Variants in PUDP observed in about 807,000 individuals in gnomAD.
PUDP encodes the protein pseudouridine-5'-phosphatase.
In PUDP, 8 loss-of-function variants were observed where a neutral mutation model predicts 9.4. The ratio of observed to expected loss-of-function variants is 0.85; its 90% CI spans 0.50 to 1.53. The LOEUF is 1.53. PUDP is among the 40% of genes most tolerant of loss of function. The pLI is 0.00. For synonymous variants in PUDP, 99 were observed against 80.7 expected (o/e 1.23, Z -1.22); for missense variants, 188 against 189.7 (o/e 0.99, Z 0.05).
intron 1 of PUDP, among the ~76,000 whole-genome samples, chrX:6,982,590 T>A (rs1259738189): frequency 8.9e-6 from 1 of 111,942 alleles, no homozygotes; most frequent in Non-Finnish European, 1.9e-5. Flanking sequence ...GGTTCTGCCA[T>A]AGTGATGTTA....
Position 6,888,273 on chromosome X carries a change from A to G in PUDP, c.*247+88860T>C, listed in dbSNP as rs9698613. 6.4e-3 allele frequency among the ~76,000 whole-genome samples: 708 copies of G among 110,824 alleles called. 7 individuals are homozygous for G. The highest frequency in any genetic ancestry group is 0.022 in the African/African-American group (664 of 30,498). On this transcript the variant is annotated intron_variant and NMD_transcript_variant, in intron 3 of 3. Coordinates refer to the PUDP transcript ENST00000655425. ...CCTCCCTTCAGTTTCGTGGGGAAAG[A>G]ACACAGCATTAAATCTCATTTAAGT...
intron 3 of PUDP, among the ~76,000 whole-genome samples, chrX:6,815,933 G>A (rs1926223484): frequency 9.4e-6 from 1 of 106,228 alleles, no homozygotes; most frequent in Non-Finnish European, 1.9e-5. Context: ...TATATATGGG[G>A]CTTTATATAT....
At chrX:6,907,350 A>T (rs1230138058) in intron 3 of PUDP, among the ~76,000 whole-genome samples, 2 of 111,523 alleles carry the variant, frequency 1.8e-5, no homozygotes, top group Non-Finnish European at 3.8e-5. Flanking sequence ...TTCCTTTACA[A>T]ATTACCGAAT....
rs149977392 is a variant in PUDP at position 6,795,329 on chromosome X, A to G, written c.*248-88863T>C. 3.5e-3 allele frequency among the ~76,000 whole-genome samples: 393 copies of G among 112,054 alleles called. 2 individuals carry two copies. Among genetic ancestry groups the G allele is most frequent in the African/African-American group, 0.012 (379 of 30,832 alleles). ...TTTCAGGCTAACAAGTTAGCCTGCT[A>G]GAGCTTCATTGATGTTGGCAGAAGA... is the stretch of plus-strand genomic sequence containing the variant. On this transcript the variant is annotated intron_variant and NMD_transcript_variant, in intron 3 of 3. Coordinates refer to the PUDP transcript ENST00000655425.
intron 3 of PUDP, among the ~76,000 whole-genome samples, chrX:6,924,321 G>A (rs1321004444): frequency 8.9e-6 from 1 of 111,759 alleles, no homozygotes; most frequent in Non-Finnish European, 1.9e-5. Context: ...TATCTGTTAA[G>A]TACCAAAGGA....
At chrX:7,090,991 A>C (rs1178898416) in intron 2 of PUDP, among the ~76,000 whole-genome samples, 1 of 112,349 alleles carries the variant, frequency 8.9e-6, no homozygotes, top group Non-Finnish European at 1.9e-5. Context: ...GTATTATGTA[A>C]CAGATGAGAA....
chrX:6,896,515 G>C (rs144277041), intron 3 of PUDP, among the ~76,000 whole-genome samples: 72 of 112,021 alleles, frequency 6.4e-4, no homozygotes, highest in East Asian at 5.3e-3. Flanking sequence ...CTTGAATGCT[G>C]GTGGATGTCC....
chrX:6,988,816 G>A (rs1243672172), intron 1 of PUDP, among the ~76,000 whole-genome samples: 1 of 110,766 alleles, frequency 9.0e-6, no homozygotes, highest in Non-Finnish European at 1.9e-5. Context: ...CAAGGCCCAG[G>A]AGAGGCCTGG....
intron 3 of PUDP, among the ~76,000 whole-genome samples, chrX:6,777,303 G>A (rs755442637): frequency 8.9e-6 from 1 of 111,995 alleles, no homozygotes; most frequent in Non-Finnish European, 1.9e-5. Flanking sequence ...GATAGAACTT[G>A]TGCAGAAAGC....
chrX:7,080,149 T>C (rs1024011463), intron 2 of PUDP, among the ~76,000 whole-genome samples: 1 of 111,556 alleles, frequency 9.0e-6, no homozygotes, highest in East Asian at 2.8e-4. Context: ...GGGACAGACA[T>C]CACTACAGAT....
intron 2 of PUDP, among the ~76,000 whole-genome samples, chrX:7,086,531 G>C (rs917269733): frequency 1.6e-4 from 18 of 112,021 alleles, no homozygotes; most frequent in Non-Finnish European, 2.8e-4. Flanking sequence ...GTGAGTGGGC[G>C]TCTCTTAATG....
intron 3 of PUDP, among the ~76,000 whole-genome samples, chrX:6,927,223 G>A (rs768833165): frequency 4.5e-4 from 50 of 110,652 alleles, no homozygotes; most frequent in Non-Finnish European, 7.9e-4. Flanking sequence ...CATGAGCCAT[G>A]GTGCCTGGCC....
At chrX:6,760,277 A>AT (rs1925215627) in intron 3 of PUDP, among the ~76,000 whole-genome samples, 1 of 111,126 alleles carries the variant, frequency 9.0e-6, no homozygotes, top group African/African-American at 3.3e-5. Flanking sequence ...TCAAGATTTG[A>AT]TTTTTCTTTT....
chrX:6,800,535 T>C (rs775695311), intron 3 of PUDP, among the ~76,000 whole-genome samples: 1 of 112,118 alleles, frequency 8.9e-6, no homozygotes, highest in Non-Finnish European at 1.9e-5. Context: ...TCCACTTCTT[T>C]TGTTCTCTGC....
At chrX:6,873,002 A>C in intron 3 of PUDP, among the ~76,000 whole-genome samples, 1 of 110,836 alleles carries the variant, frequency 9.0e-6, no homozygotes, top group South Asian at 4.0e-4. Flanking sequence ...AGACACATAA[A>C]AACATCAGGT....
intron 3 of PUDP, among the ~76,000 whole-genome samples, 178 bp from the exon 4 acceptor site, chrX:7,050,650 G>A (rs1038463916): frequency 1.8e-5 from 2 of 112,466 alleles, no homozygotes; most frequent in African/African-American, 6.5e-5. Flanking sequence ...TACTGGCTCC[G>A]GGGGTCTCCC....
chrX:7,050,440 C>T lies in PUDP; in HGVS notation c.543G>A (p.Val181=), dbSNP rs1309025462. The change falls in exon 4 of 4, where the codon GTG becomes GTA. Residue 181 remains valine, a synonymous_variant. Transcript: ENST00000381077. The stretch of plus-strand genomic sequence containing the variant: ...GCATCCCAGCTGCCAGGGCCGCCTC[C>T]ACCCCATTGGGAGCATCTTCAAAGA... ...CLVFEDAPNG[V]EAALAAGMQV... The T allele has an allele frequency of 1.7e-6, 2 of 1,209,932 alleles. No individual in the cohort carries two copies. The highest frequency in any genetic ancestry group is 3.5e-5 in the African/African-American group (2 of 57,326).
chrX:6,778,343 C>A (rs1440567852), intron 3 of PUDP, among the ~76,000 whole-genome samples: 1 of 112,571 alleles, frequency 8.9e-6, no homozygotes, highest in Admixed American at 9.4e-5. Context: ...ATCTATACAT[C>A]CCCAACGAAG....
chrX:6,858,687 T>A (rs1056158187), intron 3 of PUDP, among the ~76,000 whole-genome samples: 2 of 111,749 alleles, frequency 1.8e-5, no homozygotes, highest in African/African-American at 6.5e-5. Context: ...TAAGTTCTAG[T>A]GAATTACAGA....
Sources: gnomAD v4.1 joint callset for allele counts (sites outside exome capture counted in the v4.1 genomes callset) on GRCh38, gnomAD v4.1.1 for gene constraint, MANE v1.5 for transcripts, NCBI Gene and HGNC (gene_info 2026-07-23, HGNC 2026-07-21) for gene names.